Variants in ANKS1B observed in about 807,000 individuals in gnomAD.
The protein encoded by ANKS1B is ankyrin repeat and sterile alpha motif domain containing 1B.
In ANKS1B, 36 loss-of-function variants were observed where a neutral mutation model predicts 148.3. The ratio of observed to expected loss-of-function variants is 0.24; its 90% confidence interval spans 0.19 to 0.32. ANKS1B has a LOEUF of 0.32. ANKS1B is among the 10% of genes least tolerant of loss of function. The pLI is 1.00. For missense variants in ANKS1B, 1,157 were observed against 1,542.6 expected (o/e 0.75, Z 4.19); for synonymous variants, 542 against 560.8 (o/e 0.97, Z 0.47).
chr12:99,928,283 T>A (rs1320528580), intron 1 of ANKS1B, among the ~76,000 whole-genome samples: 4 of 149,902 alleles, frequency 2.7e-5, no homozygotes, highest in Non-Finnish European at 5.9e-5. Flanking sequence ...TTTTTTTTTT[T>A]TTTTTTGAGA....
At chr12:99,117,007 T>C (rs966528484) in intron 15 of ANKS1B, among the ~76,000 whole-genome samples, 1 of 152,224 alleles carries the variant, frequency 6.6e-6, no homozygotes, top group Admixed American at 6.5e-5. Context: ...TGTTTGTCTA[T>C]TATTGGTGTA....
At chr12:99,180,927 T>C (rs2079041153) in intron 14 of ANKS1B, among the ~76,000 whole-genome samples, 1 of 152,172 alleles carries the variant, frequency 6.6e-6, no homozygotes, top group African/African-American at 2.4e-5. Flanking sequence ...CCCTCCCTAC[T>C]GACTGTCCTC....
chr12:99,737,796 T>C (rs2059751489), intron 8 of ANKS1B, among the ~76,000 whole-genome samples: 1 of 152,064 alleles, frequency 6.6e-6, no homozygotes, highest in African/African-American at 2.4e-5. Flanking sequence ...GGGTCTTTGT[T>C]TTTTCTTCTC....
intron 9 of ANKS1B, among the ~76,000 whole-genome samples, chr12:99,578,612 G>T (rs2097540652): frequency 6.6e-6 from 1 of 151,950 alleles, no homozygotes; most frequent in South Asian, 2.1e-4. Context: ...GCCACAAAAA[G>T]AATAAAATGC....
At chr12:99,328,639 GC>G in intron 12 of ANKS1B, among the ~76,000 whole-genome samples, 1 of 151,708 alleles carries the variant, frequency 6.6e-6, no homozygotes, top group Non-Finnish European at 1.5e-5. Context: ...TCCCAAAAAA[GC>G]CCTCAAAAAT....
intron 4 of ANKS1B, among the ~76,000 whole-genome samples, chr12:99,803,010 A>G (rs1350090727): frequency 6.6e-6 from 1 of 152,170 alleles, no homozygotes; most frequent in Non-Finnish European, 1.5e-5. Flanking sequence ...AGATTTATTC[A>G]TAATAACTTG....
chr12:99,564,408 C>T (rs1039930127), intron 9 of ANKS1B, among the ~76,000 whole-genome samples: 1 of 151,438 alleles, frequency 6.6e-6, no homozygotes, highest in African/African-American at 2.4e-5. Flanking sequence ...AGTTATAATA[C>T]TCTATATAAA....
chr12:98,781,377 T>G (rs752550219), intron 23 of ANKS1B, 174 bp from the exon 24 acceptor site: 1 of 674,220 alleles, frequency 1.5e-6, no homozygotes, highest in South Asian at 1.5e-5. Context: ...AATTTTAATG[T>G]CTGCCTCTCC....
intron 11 of ANKS1B, among the ~76,000 whole-genome samples, chr12:99,427,154 A>AAAAAG (rs2095271650): frequency 1.3e-5 from 2 of 152,216 alleles, no homozygotes; most frequent in African/African-American, 4.8e-5. Flanking sequence ...TCCATAAGGT[A>AAAAAG]TTCTCTAGCC....
intron 1 of ANKS1B, among the ~76,000 whole-genome samples, chr12:99,950,325 G>A (rs2095185222): frequency 6.6e-6 from 1 of 151,778 alleles, no homozygotes; most frequent in Non-Finnish European, 1.5e-5. Flanking sequence ...TTTCCTGACT[G>A]ATAAATTATC....
At chr12:99,156,817 C>T (rs192985852) in intron 14 of ANKS1B, among the ~76,000 whole-genome samples, 2 of 152,226 alleles carry the variant, frequency 1.3e-5, no homozygotes, top group Admixed American at 1.3e-4. Flanking sequence ...TGAAAGCAGG[C>T]AATATGCTTT....
At chr12:99,590,444 T>G (rs954626156) in intron 9 of ANKS1B, among the ~76,000 whole-genome samples, 22 of 152,182 alleles carry the variant, frequency 1.4e-4, no homozygotes, top group African/African-American at 5.1e-4. Flanking sequence ...CTATTATAAC[T>G]GCCAACTCCA....
At chr12:99,363,902 A>G (rs563969534) in intron 12 of ANKS1B, among the ~76,000 whole-genome samples, 1 of 152,280 alleles carries the variant, frequency 6.6e-6, no homozygotes, top group South Asian at 2.1e-4. Flanking sequence ...TTGGCTCCAG[A>G]GCCCTTACCT....
At chr12:98,994,256 T>C (rs1176849067) in intron 17 of ANKS1B, among the ~76,000 whole-genome samples, 1 of 152,182 alleles carries the variant, frequency 6.6e-6, no homozygotes, top group Non-Finnish European at 1.5e-5. Flanking sequence ...GTGACCTTAT[T>C]AAGTTCTAAT....
At chr12:99,687,375 G>A (rs911996241) in intron 8 of ANKS1B, among the ~76,000 whole-genome samples, 8 of 152,068 alleles carry the variant, frequency 5.3e-5, no homozygotes, top group African/African-American at 1.7e-4. Flanking sequence ...TGGGCTTAGA[G>A]TTTCCATCAA....
intron 12 of ANKS1B, among the ~76,000 whole-genome samples, chr12:99,270,236 T>C (rs1377344071): frequency 6.6e-6 from 1 of 152,174 alleles, no homozygotes; most frequent in Non-Finnish European, 1.5e-5. Context: ...TCTCCTTTTC[T>C]AAAATTGAAA....
rs139829140 is a variant in ANKS1B, at chr12:98,772,709, A to G, written c.3579+333T>C. Among the ~76,000 whole-genome samples the G allele has an allele frequency of 1.9e-4, 29 of 152,226 alleles. No individual in the cohort carries two copies. The East Asian group carries it at 2.3e-3, about 12-fold the overall frequency. On this transcript the variant is annotated intron_variant, in intron 25 of 26. Transcript: ENST00000683438. ...ACACATGGGAATTATGGGAGCTACA[A>G]TTCAAGGTGAGATTTGGGTAGGGAC...
intron 8 of ANKS1B, among the ~76,000 whole-genome samples, chr12:99,736,741 C>CTGT (rs1412253794): frequency 1.8e-4 from 27 of 152,212 alleles, no homozygotes; most frequent in African/African-American, 6.0e-4. Context: ...AGGAAACAAT[C>CTGT]AACAGAGTGG....
intron 8 of ANKS1B, among the ~76,000 whole-genome samples, chr12:99,658,785 C>T (rs1261908212): frequency 6.6e-6 from 1 of 152,028 alleles, no homozygotes; most frequent in African/African-American, 2.4e-5. Context: ...ATAAGTACTG[C>T]TATTTTATTT....
Sources: allele counts gnomAD v4.1 joint callset (sites outside exome capture counted in the v4.1 genomes callset), GRCh38; gene constraint gnomAD v4.1.1; transcripts MANE v1.5; gene names NCBI Gene and HGNC (gene_info 2026-07-23, HGNC 2026-07-21).